GLIS3: variants seen among roughly 807,000 people sequenced by gnomAD.
GLIS3 encodes the protein zinc finger protein GLIS3.
In GLIS3, 53 loss-of-function variants were observed where a neutral mutation model predicts 78.6. The ratio of observed to expected loss-of-function variants is 0.67; its 90% CI spans 0.54 to 0.85. The LOEUF is 0.85. Among genes scored for constraint, GLIS3 ranks in the 40% least tolerant of loss-of-function variants. GLIS3 has a pLI of 0.00. For synonymous variants in GLIS3, 684 were observed against 509.9 expected (o/e 1.34, Z -4.60); for missense variants, 1,703 against 1,231.1 (o/e 1.38, Z -5.74).
chr9:4,313,790 G>A (rs760224424), intron 2 of GLIS3, among the ~76,000 whole-genome samples: 2 of 152,184 alleles, frequency 1.3e-5, no homozygotes, highest in African/African-American at 2.4e-5. Context: ...TCAAGTGCAC[G>A]TGGACTTCCT....
chr9:3,882,713 G>A (rs919055102), intron 7 of GLIS3, among the ~76,000 whole-genome samples: 1 of 152,186 alleles, frequency 6.6e-6, no homozygotes, highest in Non-Finnish European at 1.5e-5. Context: ...GACAGAAATG[G>A]GCAGTGGTCC....
chr9:4,410,040 A>T, the GLIS3 span, among the ~76,000 whole-genome samples: 8 of 152,086 alleles, frequency 5.3e-5, no homozygotes, highest in African/African-American at 1.9e-4. Context: ...GTGAGATCTC[A>T]GCTCACTGCA....
chr9:4,158,977 C>A (rs1487245284), intron 2 of GLIS3, among the ~76,000 whole-genome samples: 1 of 135,432 alleles, frequency 7.4e-6, no homozygotes, highest in Non-Finnish European at 1.5e-5. Context: ...AAAAAAATGG[C>A]TAGTACAAAG....
chr9:4,315,841 C>T (rs1426406910), intron 2 of GLIS3, among the ~76,000 whole-genome samples: 1 of 152,052 alleles, frequency 6.6e-6, no homozygotes, highest in Non-Finnish European at 1.5e-5. Flanking sequence ...CTCAGCAGTA[C>T]CAGGACATGT....
intron 2 of GLIS3, among the ~76,000 whole-genome samples, chr9:4,135,197 T>C (rs74366641): frequency 0.037 from 5,588 of 152,286 alleles, 336 homozygotes; most frequent in African/African-American, 0.13. Flanking sequence ...TATCTCTCTT[T>C]TATTTGGGAT....
At chr9:4,307,036 G>C (rs908671049) in intron 4 of GLIS3, among the ~76,000 whole-genome samples, 7 of 152,208 alleles carry the variant, frequency 4.6e-5, no homozygotes, top group Non-Finnish European at 8.8e-5. Flanking sequence ...GGCAAGTTAT[G>C]AGTGATCTGT....
At chr9:4,326,801 G>C (rs10814937) in intron 2 of GLIS3, among the ~76,000 whole-genome samples, 11,780 of 152,184 alleles carry the variant, frequency 0.077, 863 homozygotes, top group African/African-American at 0.19. Context: ...CTGCGAAGGA[G>C]AAAGGTAGGT....
intron 3 of GLIS3, among the ~76,000 whole-genome samples, chr9:4,124,468 G>C (rs1299049798): frequency 6.6e-6 from 1 of 152,194 alleles, no homozygotes; most frequent in Non-Finnish European, 1.5e-5. Context: ...CAGAAAGGAA[G>C]CTGAAGGCTT....
At chr9:3,844,401 A>G (rs1334242070) in intron 9 of GLIS3, among the ~76,000 whole-genome samples, 4 of 152,218 alleles carry the variant, frequency 2.6e-5, no homozygotes, top group Admixed American at 6.5e-5. Flanking sequence ...CGCCTAGAAT[A>G]GTGTTATCAG....
intron 3 of GLIS3, among the ~76,000 whole-genome samples, chr9:4,121,045 A>G (rs1832137922): frequency 6.6e-6 from 1 of 152,230 alleles, no homozygotes; most frequent in Admixed American, 6.5e-5. Flanking sequence ...AGACAATTAT[A>G]TATTTTTCAG....
chr9:4,204,638 C>T (rs1344532078), intron 2 of GLIS3, among the ~76,000 whole-genome samples: 1 of 152,086 alleles, frequency 6.6e-6, no homozygotes, highest in Non-Finnish European at 1.5e-5. Context: ...AGGAATCAGG[C>T]CGGGCACAGT....
rs1819881863 is a variant in GLIS3, at chr9:3,987,781, A to AC, written c.1711-50593_1711-50592insG. ...TTTGGCAAAAAAAAAAAAAAAAAAA[A>AC]AAAAAAACAAAACACAAACATAAAC... On this transcript the variant is annotated intron_variant, in intron 4 of 10. Transcript: ENST00000381971. Among the ~76,000 whole-genome samples the AC allele has an allele frequency of 2.1e-5, 3 of 146,214 alleles. 1 individual carries two copies. The highest frequency in any genetic ancestry group is 5.0e-5 in the African/African-American group (2 of 40,134).
chr9:4,335,892 C>A (rs1157306685), intron 2 of GLIS3, among the ~76,000 whole-genome samples: 1 of 152,120 alleles, frequency 6.6e-6, no homozygotes, highest in Non-Finnish European at 1.5e-5. Context: ...CCAAGAAATT[C>A]AGTTAGTTAA....
At chr9:4,104,767 C>A (rs113830977) in intron 4 of GLIS3, among the ~76,000 whole-genome samples, 1 of 152,178 alleles carries the variant, frequency 6.6e-6, no homozygotes, top group Non-Finnish European at 1.5e-5. Flanking sequence ...CTGCCTGGAA[C>A]TTTCCTCCCC....
Position 4,055,281 on chromosome 9 carries a change from GACT to G in GLIS3, c.1710+62484_1710+62486del, listed in dbSNP as rs1414927221. 2.6e-5 allele frequency among the ~76,000 whole-genome samples: 4 copies of G among 152,306 alleles called. No homozygotes were observed. The East Asian group carries it at 7.7e-4, about 29-fold the overall frequency. On this transcript the variant is annotated intron_variant, in intron 4 of 10. Coordinates refer to ENST00000381971, the MANE Select transcript of GLIS3 (RefSeq NM_001042413.2). ...AAATGTAGCTACAGATGTCGAGTCT[GACT>G]AAGCAGAATCTGGCCTCAGATTACT...
chr9:3,862,488 A>G (rs527418551), intron 8 of GLIS3, among the ~76,000 whole-genome samples: 4 of 152,286 alleles, frequency 2.6e-5, no homozygotes, highest in African/African-American at 9.6e-5. Flanking sequence ...TCCCGTGTGT[A>G]TAAGTCCAAA....
chr9:3,920,051 T>G (rs1338043162), intron 6 of GLIS3, among the ~76,000 whole-genome samples: 1 of 146,278 alleles, frequency 6.8e-6, no homozygotes, highest in Non-Finnish European at 1.5e-5. Context: ...TTGCCCAGGC[T>G]GGAGTGCAGT....
At chr9:4,307,261 G>C (rs1817250091) in intron 4 of GLIS3, among the ~76,000 whole-genome samples, 3 of 152,122 alleles carry the variant, frequency 2.0e-5, no homozygotes, top group African/African-American at 7.2e-5. Context: ...CATAAAGTAT[G>C]CTTAATTGTA....
At chr9:4,341,131 T>G (rs183746083) in intron 2 of GLIS3, among the ~76,000 whole-genome samples, 13 of 152,354 alleles carry the variant, frequency 8.5e-5, no homozygotes, top group Non-Finnish European at 1.8e-4. Context: ...GTTTCCTTTT[T>G]GGGGACAGAC....
Sources: allele counts gnomAD v4.1 joint callset (sites outside exome capture counted in the v4.1 genomes callset), GRCh38; gene constraint gnomAD v4.1.1; transcripts MANE v1.5; gene names NCBI Gene and HGNC (gene_info 2026-07-23, HGNC 2026-07-21).